Variants in CRIM1 observed in about 807,000 individuals in gnomAD.
The protein encoded by CRIM1 is cysteine-rich motor neuron 1 protein.
CRIM1 carries 32 observed loss-of-function variants against 116.4 expected under a neutral mutation model. The ratio of observed to expected loss-of-function variants is 0.27; its 90% CI spans 0.21 to 0.37. The LOEUF (loss-of-function observed/expected upper bound fraction) is 0.37. Ranked by LOEUF, CRIM1 falls within the 10% of genes least tolerant of loss-of-function variation. CRIM1 has a pLI of 1.00. For synonymous variants in CRIM1, 590 were observed against 509.2 expected, an observed-to-expected ratio of 1.16 and a Z score of -2.13; for missense variants, 1,331 against 1,354.8, an observed-to-expected ratio of 0.98 and a Z score of 0.28.
At chr2:36,464,134 C>T (rs1677803946) in intron 4 of CRIM1, among the ~76,000 whole-genome samples, 1 of 152,152 alleles carries the variant, frequency 6.6e-6, no homozygotes, top group Admixed American at 6.5e-5. Flanking sequence ...CCATTTAGCA[C>T]GGGAACACTC....
intron 12 of CRIM1, 47 bp from the exon 13 acceptor site, chr2:36,522,043 TGC>T: frequency 1.3e-6 from 2 of 1,526,680 alleles, no homozygotes; most frequent in Non-Finnish European, 1.8e-6. Context: ...GTTGCATAGT[TGC>T]TGGCCAACAG....
At chr2:36,385,643 A>G (rs1671117489) in intron 1 of CRIM1, among the ~76,000 whole-genome samples, 1 of 152,098 alleles carries the variant, frequency 6.6e-6, no homozygotes, top group Non-Finnish European at 1.5e-5. Context: ...CCAGAGTGAG[A>G]TGGGAGAATT....
intron 2 of CRIM1, among the ~76,000 whole-genome samples, chr2:36,440,408 G>A (rs1320244386): frequency 2.0e-5 from 3 of 152,166 alleles, no homozygotes; most frequent in African/African-American, 4.8e-5. Context: ...CTGGGATGAT[G>A]TCTTTTAGTC....
At chr2:36,375,420 T>G (rs753286799) in intron 1 of CRIM1, among the ~76,000 whole-genome samples, 6 of 152,260 alleles carry the variant, frequency 3.9e-5, no homozygotes, top group Non-Finnish European at 8.8e-5. Context: ...TTCTGCAATC[T>G]TTATTTAAAA....
intron 16 of CRIM1, among the ~76,000 whole-genome samples, chr2:36,547,730 T>G (rs1312946498): frequency 6.6e-6 from 1 of 152,100 alleles, no homozygotes; most frequent in Non-Finnish European, 1.5e-5. Flanking sequence ...GATTTCACAC[T>G]AAGGGAGAAA....
At chr2:36,361,918 TGAAA>T (rs1433054827) in intron 1 of CRIM1, among the ~76,000 whole-genome samples, 1 of 152,134 alleles carries the variant, frequency 6.6e-6, no homozygotes, top group Non-Finnish European at 1.5e-5. Context: ...AATAACACAT[TGAAA>T]GCTTTCCTTC....
At chr2:36,383,203 T>G (rs543526936) in intron 1 of CRIM1, among the ~76,000 whole-genome samples, 1 of 152,360 alleles carries the variant, frequency 6.6e-6, no homozygotes, top group Non-Finnish European at 1.5e-5. Context: ...CCTGTTATAT[T>G]TACATTTTCT....
At chr2:36,377,586 A>G (rs1670423310) in intron 1 of CRIM1, among the ~76,000 whole-genome samples, 1 of 152,204 alleles carries the variant, frequency 6.6e-6, no homozygotes, top group Admixed American at 6.5e-5. Context: ...TTGGGTGGTT[A>G]TAAGGAATAC....
intron 1 of CRIM1, chr2:36,378,332 C>T (rs934499557): frequency 1.3e-5 from 6 of 471,048 alleles, no homozygotes; most frequent in Admixed American, 4.7e-5. Flanking sequence ...CCTAGGCAGG[C>T]GCCACCTAAC....
At chr2:36,487,817 C>G (rs1468713729) in intron 7 of CRIM1, among the ~76,000 whole-genome samples, 1 of 152,004 alleles carries the variant, frequency 6.6e-6, no homozygotes, top group Non-Finnish European at 1.5e-5. Context: ...ATCAATTCAC[C>G]TACTACATAG....
At chr2:36,446,412 T>G (rs7562790) in intron 4 of CRIM1, among the ~76,000 whole-genome samples, 72,651 of 152,058 alleles carry the variant, frequency 0.48, 17,909 homozygotes, top group East Asian at 0.61. Context: ...ATGTTCTTAC[T>G]GTGCATGGGT....
chr2:36,503,821 C>G (rs1321765344), intron 8 of CRIM1, among the ~76,000 whole-genome samples: 4 of 152,050 alleles, frequency 2.6e-5, no homozygotes, highest in African/African-American at 4.8e-5. Flanking sequence ...TACAGTAGTC[C>G]TAAGCATTTA....
intron 13 of CRIM1, among the ~76,000 whole-genome samples, chr2:36,528,316 C>T (rs1247856453): frequency 1.3e-5 from 2 of 152,188 alleles, no homozygotes. Flanking sequence ...CCTCATCCTG[C>T]CTGCTCCCAT....
At chr2:36,475,848 T>A (rs1330243234) in intron 5 of CRIM1, among the ~76,000 whole-genome samples, 1 of 152,228 alleles carries the variant, frequency 6.6e-6, no homozygotes. Flanking sequence ...ATGTTGCTTT[T>A]TTTCCTTATT....
intron 4 of CRIM1, among the ~76,000 whole-genome samples, chr2:36,462,159 C>T (rs1381910530): frequency 6.6e-6 from 1 of 151,990 alleles, no homozygotes; most frequent in Non-Finnish European, 1.5e-5. Flanking sequence ...TGGTTGGGTG[C>T]AACTTCAGCT....
At chr2:36,446,185 C>A (rs902857978) in intron 4 of CRIM1, among the ~76,000 whole-genome samples, 2 of 152,162 alleles carry the variant, frequency 1.3e-5, no homozygotes, top group African/African-American at 4.8e-5. Context: ...CTTTTCTCCC[C>A]TATCTTGAAG....
At chr2:36,516,609 TAG>T (rs1428679777) in intron 11 of CRIM1, among the ~76,000 whole-genome samples, 5 of 152,004 alleles carry the variant, frequency 3.3e-5, no homozygotes, top group African/African-American at 4.8e-5. Flanking sequence ...AGCACATGTT[TAG>T]TCTCAGGTGA....
chr2:36,407,253 GTGTA>G (rs1271034671), intron 2 of CRIM1, among the ~76,000 whole-genome samples: 3 of 152,118 alleles, frequency 2.0e-5, no homozygotes, highest in Non-Finnish European at 4.4e-5. Context: ...ACATATTCGT[GTGTA>G]TGTATATGTA....
At chr2:36,465,486 C>T (rs1677934682) in intron 5 of CRIM1, among the ~76,000 whole-genome samples, 1 of 152,190 alleles carries the variant, frequency 6.6e-6, no homozygotes, top group African/African-American at 2.4e-5. Flanking sequence ...CAAAATTACA[C>T]ATAGAAATAT....
Sources: gnomAD v4.1 joint callset for allele counts (sites outside exome capture counted in the v4.1 genomes callset) on GRCh38, gnomAD v4.1.1 for gene constraint, MANE v1.5 for transcripts, NCBI Gene and HGNC (gene_info 2026-07-23, HGNC 2026-07-21) for gene names.